CD300A: variants seen among roughly 807,000 people sequenced by gnomAD.
The protein encoded by CD300A is CD300a molecule.
In CD300A, 22 loss-of-function variants were observed where a neutral mutation model predicts 33.6. The ratio of observed to expected loss-of-function variants is 0.66; its 90% CI spans 0.47 to 0.94. The LOEUF is 0.94. CD300A is among the 40% of genes least tolerant of loss of function. The pLI is 0.00. For synonymous variants in CD300A, 136 were observed against 148.1 expected (o/e 0.92, Z 0.59); for missense variants, 326 against 360.5 (o/e 0.90, Z 0.77).
intron 1 of CD300A, among the ~76,000 whole-genome samples, chr17:74,468,838 A>G (rs2144500017): frequency 6.6e-6 from 1 of 152,176 alleles, no homozygotes; most frequent in East Asian, 1.9e-4. Context: ...TTTGTATTTT[A>G]GTAGAGACGG....
intron 2 of CD300A, 141 bp from the exon 3 acceptor site, chr17:74,474,391 G>T (rs1906324672): frequency 8.7e-6 from 7 of 809,182 alleles, no homozygotes; most frequent in Non-Finnish European, 1.2e-5. Flanking sequence ...GAGGGTCCTG[G>T]AGAGACTCTA....
intron 1 of CD300A, among the ~76,000 whole-genome samples, chr17:74,469,572 C>T (rs1298306734): frequency 6.6e-6 from 1 of 152,182 alleles, no homozygotes. Flanking sequence ...CGCCTGTAAT[C>T]CCAGCACTTT....
In CD300A at chr17:74,473,852, G is replaced by C. The variant is rs370543907; in HGVS notation, c.357G>C (p.Glu119Asp). The C allele has an allele frequency of 5.6e-6, 9 of 1,611,078 alleles. No homozygotes were observed. The highest frequency in any genetic ancestry group is 7.6e-6 in the Non-Finnish European group (9 of 1,177,456). Reference sequence around the variant, plus strand: ...GAGACTTTCATGATCCCGTTGTCGAGGTTGAGGTGTCCGTGTTCCCGGGTG... The same window carrying C: ...GAGACTTTCATGATCCCGTTGTCGACGTTGAGGTGTCCGTGTTCCCGGGTG... ...WLRDFHDPVV[E>D]VEVSVFPAST... The change falls in exon 2 of 7, where the codon GAG (glutamate) becomes GAC (aspartate). Residue 119 changes from glutamate (E) to aspartate (D), a missense_variant. Transcript: ENST00000360141.
Position 74,473,701 on chromosome 17 carries a change from GA to G in CD300A, c.211del (p.Arg71GlyfsTer18), listed in dbSNP as rs1342986875. 1 of 1,614,052 alleles carries G rather than the reference GA, an allele frequency of 6.2e-7. No individual in the cohort carries two copies. The highest frequency in any genetic ancestry group is 8.5e-7 in the Non-Finnish European group (1 of 1,180,046). On this transcript the variant is annotated frameshift_variant, in exon 2 of 7. Transcript: ENST00000360141. LOFTEE classifies it high-confidence loss of function. Reference protein sequence around the residue: ...DKIVETKGSAGKRNGRVSIRD... With the variant: ...DKIVETKGSAXKRNGRVSIRD... ...ATTGTGGAGACCAAAGGGTCAGCAG[GA>G]AAAAGGAACGGCCGAGTGTCCATCA...
At chr17:74,473,906 G>T in intron 2 of CD300A, 32 bp downstream of exon 2, 2 of 1,593,536 alleles carry the variant, frequency 1.3e-6, no homozygotes, top group African/African-American at 1.3e-5. Context: ...CGCCTAAATA[G>T]GCTCAGGTTG....
At chr17:74,469,572 C>A (rs1298306734) in intron 1 of CD300A, among the ~76,000 whole-genome samples, 2 of 152,182 alleles carry the variant, frequency 1.3e-5, no homozygotes, top group Non-Finnish European at 1.5e-5. Context: ...CGCCTGTAAT[C>A]CCAGCACTTT....
chr17:74,476,046 T>G (rs1906442661), intron 3 of CD300A, among the ~76,000 whole-genome samples: 1 of 152,174 alleles, frequency 6.6e-6, no homozygotes, highest in Admixed American at 6.5e-5. Flanking sequence ...AATATATTTA[T>G]CAACCAGGAA....
chr17:74,469,315 G>C (rs546885824), intron 1 of CD300A, among the ~76,000 whole-genome samples: 1 of 151,506 alleles, frequency 6.6e-6, no homozygotes, highest in Admixed American at 6.6e-5. Context: ...TTAAGCCCAG[G>C]AGTCCGAGAC....
chr17:74,471,121 AT>A (rs1190816141), intron 1 of CD300A, among the ~76,000 whole-genome samples: 1 of 151,982 alleles, frequency 6.6e-6, no homozygotes, highest in Non-Finnish European at 1.5e-5. Context: ...TAATTTTTGT[AT>A]TTTTTTGTAG....
intron 4 of CD300A, among the ~76,000 whole-genome samples, chr17:74,478,699 A>T (rs953118991): frequency 6.6e-6 from 1 of 152,154 alleles, no homozygotes; most frequent in African/African-American, 2.4e-5. Flanking sequence ...GCCTTCCAAG[A>T]CTGCAGTGAG....
intron 4 of CD300A, among the ~76,000 whole-genome samples, chr17:74,479,652 A>G (rs929129795): frequency 2.6e-5 from 4 of 152,190 alleles, no homozygotes; most frequent in Non-Finnish European, 4.4e-5. Context: ...TCACAGACGC[A>G]GAGTTTACTG....
Position 74,474,593 on chromosome 17 carries a change from A to C in CD300A, c.441A>C (p.Ala147=), listed in dbSNP as rs778321916. 6.2e-7 allele frequency: 1 copy of C among 1,614,154 alleles called. No individual in the cohort carries two copies. Among genetic ancestry groups the C allele is most frequent in the Non-Finnish European group, 8.5e-7 (1 of 1,179,994 alleles). The change falls in exon 3 of 7, where the codon GCA becomes GCC. Residue 147 remains alanine (A), a synonymous_variant. Coordinates refer to ENST00000360141, the MANE Select transcript of CD300A (RefSeq NM_007261.4). ...TAAKTSTITT[A]FPPVSSTTLF... ...CCAAGACCTCAACAATCACAACTGC[A>C]TTTCCACCTGTATCATCCACTACCC...
At chr17:74,483,932 A>T in intron 6 of CD300A, 69 bp from the exon 7 acceptor site, 2 of 1,578,962 alleles carry the variant, frequency 1.3e-6, no homozygotes, top group East Asian at 4.5e-5. Context: ...TCCCTCCTCC[A>T]TCCTATGTTG....
intron 1 of CD300A, among the ~76,000 whole-genome samples, chr17:74,467,876 G>A (rs1905826996): frequency 6.6e-6 from 1 of 152,144 alleles, no homozygotes; most frequent in Non-Finnish European, 1.5e-5. Context: ...GGCTGGTACA[G>A]CCGGAGTGAG....
In CD300A at chr17:74,472,601, C is replaced by T. The variant is rs181430806; in HGVS notation, c.41-935C>T. Among the ~76,000 whole-genome samples the T allele has an allele frequency of 2.1e-3, 312 of 150,776 alleles. 1 individual carries two copies. Among genetic ancestry groups the T allele is most frequent in the African/African-American group, 7.4e-3 (303 of 40,960 alleles). Reference sequence around the variant, plus strand: ...AAAGTTTTCGTCAGCAAGCCTTCTGCGTTTGTGACTCTTTTTTTTTTTTTT... The same window carrying T: ...AAAGTTTTCGTCAGCAAGCCTTCTGTGTTTGTGACTCTTTTTTTTTTTTTT... On this transcript the variant is annotated intron_variant, in intron 1 of 6. Coordinates refer to ENST00000360141, the MANE Select transcript of CD300A (RefSeq NM_007261.4).
At chr17:74,467,212 C>A (rs1905776996) in intron 1 of CD300A, among the ~76,000 whole-genome samples, 2 of 10,810 alleles carry the variant, frequency 1.9e-4, no homozygotes, top group Middle Eastern at 0.045. Flanking sequence ...GTGCAGGGTA[C>A]GGAGGAGGGG....
At position 74,475,244 on chromosome 17, in the gene CD300A, A is replaced by G. The variant is rs141268918; in HGVS notation, c.533+559A>G. Among the ~76,000 whole-genome samples, 11 of 152,256 alleles carry G rather than the reference A, an allele frequency of 7.2e-5. No homozygotes were observed. The East Asian group carries it at 1.7e-3, about 24-fold the overall frequency. On this transcript the variant is annotated intron_variant, in intron 3 of 6. Transcript: ENST00000360141. Reference sequence around the variant, plus strand: ...GACCTCGTGAGACTTATTCACTACCACAAGAACAGTATGGAGCAAACCACC... The same window carrying G: ...GACCTCGTGAGACTTATTCACTACCGCAAGAACAGTATGGAGCAAACCACC...
chr17:74,470,955 T>A (rs947657207), intron 1 of CD300A, among the ~76,000 whole-genome samples: 8 of 151,816 alleles, frequency 5.3e-5, no homozygotes, highest in African/African-American at 1.9e-4. Context: ...CCTGGCCTAT[T>A]TATTTATTTG....
upstream of CD300A, chr17:74,466,616 A>C: frequency 7.1e-7 from 1 of 1,413,746 alleles, no homozygotes; most frequent in East Asian, 2.5e-5. Flanking sequence ...GAAAAGCAGA[A>C]GTCGGGGCCT....
Sources: allele counts gnomAD v4.1 joint callset (sites outside exome capture counted in the v4.1 genomes callset), GRCh38; gene constraint gnomAD v4.1.1; transcripts MANE v1.5; gene names NCBI Gene and HGNC (gene_info 2026-07-23, HGNC 2026-07-21).